YLPM1: variants seen among roughly 807,000 people sequenced by gnomAD.
YLPM1 encodes the protein YLP motif containing 1, also known as YLP motif-containing protein 1.
In YLPM1, 99 loss-of-function variants were observed where a neutral mutation model predicts 230.0. The observed-to-expected ratio is 0.43, with a 90% CI of 0.37 to 0.51. The LOEUF is 0.51. Ranked by LOEUF, YLPM1 falls within the 20% of genes least tolerant of loss-of-function variation. The pLI is 0.00. For missense variants in YLPM1, 2,592 were observed against 2,707.7 expected (o/e 0.96, Z 0.95); for synonymous variants, 984 against 942.5 (o/e 1.04, Z -0.81).
chr14:74,816,559 TATG>T lies in YLPM1; in HGVS notation c.5566-9_5566-7del. On this transcript the variant is annotated splice_polypyrimidine_tract_variant and intron_variant, in intron 12 of 20. Transcript: ENST00000325680. The stretch of plus-strand genomic sequence containing the variant: ...AAATTCGTTTTAACCTTCTTGACTG[TATG>T]ATTCTTAGGATAAGGAGGTAGAATT... 1 of 1,608,284 alleles carries T rather than the reference TATG, an allele frequency of 6.2e-7. No individual in the cohort carries two copies. Among genetic ancestry groups the T allele is most frequent in the Non-Finnish European group, 8.5e-7 (1 of 1,178,334 alleles).
chr14:74,799,775 T>C, intron 5 of YLPM1, 78 bp downstream of exon 5: 1 of 1,449,290 alleles, frequency 6.9e-7, no homozygotes, highest in East Asian at 2.4e-5. Flanking sequence ...TATGATATAT[T>C]TGAATGGAAT....
At chr14:74,830,545 CTAGTCCCTTTGTGT>C (rs2091601022) in intron 19 of YLPM1, among the ~76,000 whole-genome samples, 1 of 152,128 alleles carries the variant, frequency 6.6e-6, no homozygotes, top group South Asian at 2.1e-4. Context: ...AGTTATTTAA[CTAGTCCCTTTGTGT>C]TAGTCCGTTT....
Position 74,782,335 on chromosome 14 carries a change from C to CT in YLPM1, c.2282+18dup, listed in dbSNP as rs745435007. 1.5e-5 allele frequency: 22 copies of CT among 1,480,784 alleles called. No individual in the cohort carries two copies. The highest frequency in any genetic ancestry group is 9.8e-5 in the Admixed American group (4 of 40,862). 91.7% of individuals were successfully genotyped at this position (1,480,784 alleles called of 1,614,324 possible). A position where few individuals can be genotyped will look rare whatever the true frequency, so the allele number is the denominator to read the frequency against. On this transcript the variant is annotated intron_variant, in intron 4 of 20. Coordinates refer to ENST00000325680, the MANE Select transcript of YLPM1 (RefSeq NM_019589.3). ...GTCCAAGAGGCCCAAGGTAGGTCTG[C>CT]TTTTTTTTCTCTTTTTTTTTGGTTT... is the stretch of plus-strand genomic sequence containing the variant.
intron 10 of YLPM1, 134 bp downstream of exon 10, chr14:74,811,872 T>C: frequency 1.8e-6 from 1 of 565,964 alleles, no homozygotes. Context: ...GGCATTGTCC[T>C]AAAAAATAGC....
intron 4 of YLPM1, among the ~76,000 whole-genome samples, chr14:74,792,584 A>G (rs1042231227): frequency 3.3e-5 from 5 of 152,240 alleles, no homozygotes; most frequent in South Asian, 2.1e-4. Context: ...GTTTTTGCCA[A>G]TGGCATCCTC....
chr14:74,826,758 A>G (rs530070622), intron 18 of YLPM1, among the ~76,000 whole-genome samples: 5 of 152,214 alleles, frequency 3.3e-5, no homozygotes, highest in Non-Finnish European at 5.9e-5. Context: ...CTTCAGTCCC[A>G]CCAGACTGGT....
At chr14:74,827,936 T>G in intron 18 of YLPM1, 1 of 985,366 alleles carries the variant, frequency 1.0e-6, no homozygotes, top group Non-Finnish European at 1.2e-6. Context: ...ATGTTAAAAT[T>G]TTGCCAAAAT....
At chr14:74,828,705 C>G (rs1382652615) in intron 18 of YLPM1, among the ~76,000 whole-genome samples, 3 of 150,462 alleles carry the variant, frequency 2.0e-5, no homozygotes, top group Non-Finnish European at 4.4e-5. Context: ...TCACAGCAAC[C>G]AAAATCCAAA....
At chr14:74,768,827 A>T (rs1166188084) in intron 1 of YLPM1, among the ~76,000 whole-genome samples, 2 of 152,010 alleles carry the variant, frequency 1.3e-5, no homozygotes, top group Non-Finnish European at 2.9e-5. Flanking sequence ...AGACGTACAG[A>T]GTGCTATGGG....
At chr14:74,778,931 C>T (rs749532827) in intron 2 of YLPM1, among the ~76,000 whole-genome samples, 6 of 152,118 alleles carry the variant, frequency 3.9e-5, no homozygotes, top group Admixed American at 6.5e-5. Context: ...ACTTCTGCCT[C>T]CCAGGTTCAG....
At chr14:74,833,458 G>T (rs1252948539) in intron 19 of YLPM1, among the ~76,000 whole-genome samples, 1 of 152,050 alleles carries the variant, frequency 6.6e-6, no homozygotes, top group Admixed American at 6.6e-5. Flanking sequence ...TCGCCTTGTT[G>T]CCCAGGCTGG....
intron 4 of YLPM1, among the ~76,000 whole-genome samples, chr14:74,792,389 C>T (rs2091215713): frequency 6.6e-6 from 1 of 152,180 alleles, no homozygotes; most frequent in Non-Finnish European, 1.5e-5. Context: ...TCACTTCTAA[C>T]CCTTAGCTTT....
Position 74,796,968 on chromosome 14 carries a change from CTTTTTTT to C in YLPM1, c.2283-598_2283-592del, listed in dbSNP as rs3083626. On this transcript the variant is annotated intron_variant, in intron 4 of 20. Transcript: ENST00000325680. ...TCCTAAGGCACAGTATTTATAATTG[CTTTTTTT>C]TTTTTTTTTTTTTGAGACGGAGTCT... Among the ~76,000 whole-genome samples, 7 of 88,956 alleles carry C rather than the reference CTTTTTTT, an allele frequency of 7.9e-5. No homozygotes were observed. In the Admixed American group the frequency reaches 9.2e-4, roughly 12 times the overall value. 58.4% of individuals were successfully genotyped at this position (88,956 alleles called of 152,430 possible).
chr14:74,805,706 T>C (rs1357546307), intron 6 of YLPM1, among the ~76,000 whole-genome samples: 1 of 140,718 alleles, frequency 7.1e-6, no homozygotes, highest in African/African-American at 2.8e-5. Context: ...TAAGCATACT[T>C]TTTTTTTTTT....
intron 5 of YLPM1, among the ~76,000 whole-genome samples, chr14:74,801,959 G>A (rs1369379138): frequency 6.6e-6 from 1 of 152,174 alleles, no homozygotes; most frequent in Non-Finnish European, 1.5e-5. Flanking sequence ...GCTTACGCCT[G>A]TAATCCTAGC....
chr14:74,787,852 TA>T (rs1490765037), intron 4 of YLPM1, among the ~76,000 whole-genome samples: 1 of 152,016 alleles, frequency 6.6e-6, no homozygotes, highest in African/African-American at 2.4e-5. Context: ...CTGTCTTTAC[TA>T]AAAATACAAA....
chr14:74,765,859 C>T (rs760986975), intron 1 of YLPM1, among the ~76,000 whole-genome samples: 16 of 152,162 alleles, frequency 1.1e-4, no homozygotes, highest in Non-Finnish European at 2.4e-4. Flanking sequence ...TCAGTGCCTG[C>T]AATTCTTTGG....
intron 18 of YLPM1, chr14:74,827,447 T>G: frequency 1.0e-6 from 1 of 985,426 alleles, no homozygotes; most frequent in African/African-American, 1.7e-5. Context: ...CAATAAAATT[T>G]CAAATTAAAC....
intron 1 of YLPM1, among the ~76,000 whole-genome samples, chr14:74,767,957 G>A (rs1269777746): frequency 6.6e-6 from 1 of 151,952 alleles, no homozygotes; most frequent in Non-Finnish European, 1.5e-5. Flanking sequence ...TCCCTCTACT[G>A]TAAAGCTTTC....
Sources: gnomAD v4.1 joint callset for allele counts (sites outside exome capture counted in the v4.1 genomes callset) on GRCh38, gnomAD v4.1.1 for gene constraint, MANE v1.5 for transcripts, NCBI Gene and HGNC (gene_info 2026-07-23, HGNC 2026-07-21) for gene names.